LRRC4C: variants seen among roughly 807,000 people sequenced by gnomAD.
The protein encoded by LRRC4C is leucine rich repeat containing 4C, also known as leucine-rich repeat-containing protein 4C.
A neutral mutation model predicts 33.6 loss-of-function variants in LRRC4C; 5 were observed. The observed-to-expected ratio is 0.15, with a 90% CI of 0.08 to 0.31. The LOEUF (loss-of-function observed/expected upper bound fraction) is 0.31, where lower values mean the gene tolerates loss of function less well. Among genes scored for constraint, LRRC4C ranks in the 10% least tolerant of loss-of-function variants. LRRC4C has a pLI of 1.00. For synonymous variants in LRRC4C, 329 were observed against 302.0 expected (o/e 1.09, Z -0.93); for missense variants, 560 against 796.7 (o/e 0.70, Z 3.58).
At chr11:40,914,345 C>A (rs773882016) in intron 2 of LRRC4C, among the ~76,000 whole-genome samples, 1 of 152,132 alleles carries the variant, frequency 6.6e-6, no homozygotes, top group Non-Finnish European at 1.5e-5. Flanking sequence ...AAAGCTTATC[C>A]ACCATGATCA....
At chr11:40,461,996 C>T in intron 3 of LRRC4C, among the ~76,000 whole-genome samples, 1 of 151,642 alleles carries the variant, frequency 6.6e-6, no homozygotes, top group Non-Finnish European at 1.5e-5. Flanking sequence ...CTAGGTGGTC[C>T]ATTTGTTAGA....
chr11:40,352,158 CCTTCCTTCCCTTTCCTT>C (rs1947438401), intron 3 of LRRC4C, among the ~76,000 whole-genome samples: 2 of 122,908 alleles, frequency 1.6e-5, no homozygotes, highest in African/African-American at 3.0e-5. Flanking sequence ...TTCCTTCCTT[CCTTCCTTCCCTTTCCTT>C]CCTTTCCTTC....
chr11:40,982,117 A>G (rs759161221), intron 1 of LRRC4C, among the ~76,000 whole-genome samples: 2 of 152,212 alleles, frequency 1.3e-5, no homozygotes, highest in Admixed American at 6.5e-5. Flanking sequence ...TCAAGAAACA[A>G]TATCATGGCT....
intron 3 of LRRC4C, among the ~76,000 whole-genome samples, chr11:40,598,704 G>A (rs1959642890): frequency 6.6e-6 from 1 of 152,082 alleles, no homozygotes; most frequent in African/African-American, 2.4e-5. Flanking sequence ...TTTATATATT[G>A]TTTAGGTGGT....
At chr11:40,583,848 T>C (rs1324503434) in intron 3 of LRRC4C, among the ~76,000 whole-genome samples, 1 of 151,722 alleles carries the variant, frequency 6.6e-6, no homozygotes, top group Admixed American at 6.6e-5. Flanking sequence ...ATAATGAATA[T>C]GCAAGCAGGA....
intron 3 of LRRC4C, among the ~76,000 whole-genome samples, chr11:40,591,140 C>A (rs905545401): frequency 6.6e-6 from 1 of 152,188 alleles, no homozygotes; most frequent in Non-Finnish European, 1.5e-5. Flanking sequence ...ACTCCGTGGG[C>A]ATACGACCCT....
Position 40,398,450 on chromosome 11 carries a change from A to C in LRRC4C, c.-269-78729T>G, listed in dbSNP as rs545996003. 2.0e-5 allele frequency among the ~76,000 whole-genome samples: 3 copies of C among 152,206 alleles called. No individual in the cohort carries two copies. The South Asian group carries it at 6.2e-4, about 32-fold the overall frequency. On this transcript the variant is annotated intron_variant, in intron 3 of 6. Transcript: ENST00000528697. ...AAATGCCTGTTGTGGTTACATACTA[A>C]GATCCCAATATGAGTTTGTTGTTGT...
At chr11:41,175,843 A>T (rs1298711509) in intron 1 of LRRC4C, among the ~76,000 whole-genome samples, 1 of 152,128 alleles carries the variant, frequency 6.6e-6, no homozygotes, top group Non-Finnish European at 1.5e-5. Flanking sequence ...CAATCCTTTG[A>T]ATACAGAACA....
Position 40,303,330 on chromosome 11 carries a change from G to A in LRRC4C, c.-176+16298C>T, listed in dbSNP as rs557350128. Among the ~76,000 whole-genome samples, 6 of 152,232 alleles carry A rather than the reference G, an allele frequency of 3.9e-5. No homozygotes were observed. The South Asian group carries it at 1.2e-3, about 32-fold the overall frequency. On this transcript the variant is annotated intron_variant, in intron 4 of 6. Coordinates refer to ENST00000528697, the MANE Select transcript of LRRC4C (RefSeq NM_001258419.2). ...TATGTGTGTGAGTGTGTGCATGTGA[G>A]ATATTCTATTTGGAGGCCATGCATA...
Position 40,213,689 on chromosome 11 carries a change from C to G in LRRC4C, c.-96+27830G>C, listed in dbSNP as rs74438458. On this transcript the variant is annotated intron_variant, in intron 5 of 6. Coordinates refer to ENST00000528697, the MANE Select transcript of LRRC4C (RefSeq NM_001258419.2). Reference sequence around the variant, plus strand: ...CATCTGGTAGATAATCAGATAATCTCCCTACTCAGAGAGCTCAGACAGATT... The same window carrying G: ...CATCTGGTAGATAATCAGATAATCTGCCTACTCAGAGAGCTCAGACAGATT... Among the ~76,000 whole-genome samples the G allele has an allele frequency of 1.7e-3, 256 of 152,214 alleles. 1 individual carries two copies. Among genetic ancestry groups the G allele is most frequent in the Non-Finnish European group, 3.0e-3 (202 of 68,010 alleles).
At chr11:40,453,992 C>G (rs754375810) in intron 3 of LRRC4C, among the ~76,000 whole-genome samples, 1 of 152,074 alleles carries the variant, frequency 6.6e-6, no homozygotes, top group South Asian at 2.1e-4. Context: ...TAGCTACAAA[C>G]AGCAAAGACC....
chr11:41,392,000 A>C (rs773325516), intron 1 of LRRC4C, among the ~76,000 whole-genome samples: 1 of 151,966 alleles, frequency 6.6e-6, no homozygotes, highest in Non-Finnish European at 1.5e-5. Flanking sequence ...AGAATAAAAG[A>C]GAAAACTATA....
At chr11:41,021,920 G>C (rs1355470124) in intron 1 of LRRC4C, among the ~76,000 whole-genome samples, 1 of 151,768 alleles carries the variant, frequency 6.6e-6, no homozygotes, top group East Asian at 1.9e-4. Context: ...TCACTAATAA[G>C]GGCTTCCTTG....
chr11:41,161,687 C>T (rs183826305), intron 1 of LRRC4C, among the ~76,000 whole-genome samples: 128 of 152,290 alleles, frequency 8.4e-4, no homozygotes, highest in African/African-American at 3.0e-3. Context: ...CTGCCAAAAA[C>T]TCTTGTTTTA....
chr11:41,015,616 A>C (rs1855526304), intron 1 of LRRC4C, among the ~76,000 whole-genome samples: 1 of 152,176 alleles, frequency 6.6e-6, no homozygotes, highest in Non-Finnish European at 1.5e-5. Flanking sequence ...GCCGGGCCTG[A>C]TAATCTGTAG....
intron 2 of LRRC4C, among the ~76,000 whole-genome samples, chr11:40,808,295 T>C (rs1951338241): frequency 6.6e-6 from 1 of 152,098 alleles, no homozygotes; most frequent in Non-Finnish European, 1.5e-5. Flanking sequence ...AATAAAATTA[T>C]ATGATAATGA....
At chr11:40,567,242 T>G (rs928449884) in intron 3 of LRRC4C, among the ~76,000 whole-genome samples, 1 of 152,150 alleles carries the variant, frequency 6.6e-6, no homozygotes. Context: ...TAACCTTCCT[T>G]GCAGCCTTTT....
chr11:40,940,274 G>A (rs561357192), intron 1 of LRRC4C, among the ~76,000 whole-genome samples: 20 of 152,178 alleles, frequency 1.3e-4, no homozygotes, highest in Non-Finnish European at 2.4e-4. Context: ...GCCTAGGCAC[G>A]TAGTATGTAC....
chr11:41,143,688 A>G (rs1365463623), intron 1 of LRRC4C, among the ~76,000 whole-genome samples: 1 of 152,178 alleles, frequency 6.6e-6, no homozygotes, highest in African/African-American at 2.4e-5. Context: ...CAGACAATTC[A>G]TTTCATCCTT....
Sources: gnomAD v4.1 joint callset for allele counts (sites outside exome capture counted in the v4.1 genomes callset) on GRCh38, gnomAD v4.1.1 for gene constraint, MANE v1.5 for transcripts, NCBI Gene and HGNC (gene_info 2026-07-23, HGNC 2026-07-21) for gene names.